Variants in COL4A3 observed in about 807,000 individuals in gnomAD.
COL4A3 encodes the protein collagen alpha-3(IV) chain.
In COL4A3, 135 loss-of-function variants were observed where a neutral mutation model predicts 217.4. The observed-to-expected ratio is 0.62, with a 90% CI of 0.54 to 0.72. COL4A3 has a LOEUF of 0.72. Ranked by LOEUF, COL4A3 falls within the 30% of genes least tolerant of loss-of-function variation. The pLI is 0.00. For synonymous variants in COL4A3, 690 were observed against 736.3 expected, an observed-to-expected ratio of 0.94 and a Z score of 1.02; for missense variants, 1,868 against 2,119.9, an observed-to-expected ratio of 0.88 and a Z score of 2.33.
intron 1 of COL4A3, among the ~76,000 whole-genome samples, chr2:227,187,202 C>T (rs2066064390): frequency 6.6e-6 from 1 of 152,174 alleles, no homozygotes; most frequent in Non-Finnish European, 1.5e-5. Context: ...TTTCCATCTT[C>T]TTCAGGAATC....
chr2:227,229,119 C>T (rs2068251740), intron 1 of COL4A3, among the ~76,000 whole-genome samples: 1 of 152,138 alleles, frequency 6.6e-6, no homozygotes, highest in Non-Finnish European at 1.5e-5. Flanking sequence ...ACCACTTTGC[C>T]TCATAAGAGA....
rs1202018331 is a variant in COL4A3, at chr2:227,310,867, G to A, written c.4847G>A (p.Cys1616Tyr). ...EEFRASPFLE[C>Y]HGRGTCNYYS... ...TTCCGAGCCAGCCCATTTCTAGAAT[G>A]TCATGGAAGAGGAACGTGCAACTAC... The change falls in exon 51 of 52, where the codon TGT becomes TAT. Residue 1616 changes from cysteine (C) to tyrosine (Y), a missense_variant. Cys to Tyr is a radical substitution (Grantham distance 194). Transcript: ENST00000396578. 1.9e-6 allele frequency: 3 copies of A among 1,614,054 alleles called. No individual in the cohort carries two copies. Among genetic ancestry groups the A allele is most frequent in the Non-Finnish European group, 2.5e-6 (3 of 1,180,032 alleles).
chr2:227,274,305 G>T (rs1159855157), intron 26 of COL4A3, among the ~76,000 whole-genome samples: 1 of 146,592 alleles, frequency 6.8e-6, no homozygotes, highest in Non-Finnish European at 1.5e-5. Context: ...GTAAGACCCA[G>T]TAAACCTCTA....
At chr2:227,270,620 C>A in intron 24 of COL4A3, 150 bp from the exon 25 acceptor site, 1 of 757,382 alleles carries the variant, frequency 1.3e-6, no homozygotes, top group Non-Finnish European at 2.2e-6. Context: ...GCAAAACAAA[C>A]AAAATGCTTG....
chr2:227,250,221 G>A lies in COL4A3; in HGVS notation c.547-919G>A, dbSNP rs1332328866. Among the ~76,000 whole-genome samples the A allele has an allele frequency of 6.6e-6, 1 of 152,142 alleles. No individual in the cohort carries two copies. Among genetic ancestry groups the A allele is most frequent in the Non-Finnish European group, 1.5e-5 (1 of 68,024 alleles). On this transcript the variant is annotated intron_variant, in intron 9 of 51. Transcript: ENST00000396578. This position sits in a 1 kb window ranked among gnomAD's most constrained non-coding sequence, Gnocchi z 4.1. ...CCAGCTACTTGGGAGGCTGAGGCAG[G>A]AGAATCACTTGAACCCGGGAGGCAG... is the stretch of plus-strand genomic sequence containing the variant.
intron 1 of COL4A3, among the ~76,000 whole-genome samples, chr2:227,174,018 A>C (rs6718714): frequency 0.056 from 8,493 of 152,276 alleles, 281 homozygotes; most frequent in Admixed American, 0.09. Flanking sequence ...CTGGTTATTT[A>C]CCATAAGAAA....
In COL4A3 at chr2:227,191,972, C is replaced by T. The variant is rs1204298635; in HGVS notation, c.87+27159C>T. Among the ~76,000 whole-genome samples, 1 of 152,124 alleles carries T rather than the reference C, an allele frequency of 6.6e-6. No individual in the cohort carries two copies. The highest frequency in any genetic ancestry group is 1.5e-5 in the Non-Finnish European group (1 of 68,022). On this transcript the variant is annotated intron_variant, in intron 1 of 51. Coordinates refer to ENST00000396578, the MANE Select transcript of COL4A3 (RefSeq NM_000091.5). This position sits in a 1 kb window ranked among gnomAD's most constrained non-coding sequence, Gnocchi z 6.8. The stretch of plus-strand genomic sequence containing the variant: ...AAATTATCGAAGGAAAGTCATATTT[C>T]CTTAAATTTCTCTGTGAATGTGTAC...
At position 227,290,087 on chromosome 2, in the gene COL4A3, A is replaced by G; in HGVS notation, c.3069A>G (p.Pro1023=). 6.2e-7 allele frequency: 1 copy of G among 1,614,004 alleles called. No individual in the cohort carries two copies. The highest frequency in any genetic ancestry group is 8.5e-7 in the Non-Finnish European group (1 of 1,179,836). The change falls in exon 36 of 52, where the codon CCA becomes CCG. Residue 1023 remains proline (P), a splice_region_variant and synonymous_variant. Transcript: ENST00000396578. ...IPGSMGNMGM[P]GSKGKRGTLG... ...GAAGCATGGGGAACATGGGCATGCC[A>G]GGTAATGCATAAGGTCCTGTTATGA...
intron 1 of COL4A3, among the ~76,000 whole-genome samples, chr2:227,220,755 T>C (rs11694522): frequency 0.7 from 106,524 of 152,038 alleles, 37,625 homozygotes; most frequent in Non-Finnish European, 0.75. Context: ...TGAGCCACCA[T>C]GCCTGGCCAT....
intron 24 of COL4A3, 38 bp from the exon 25 acceptor site, chr2:227,270,732 A>G: frequency 6.2e-7 from 1 of 1,601,304 alleles, no homozygotes; most frequent in Non-Finnish European, 8.6e-7. Flanking sequence ...AAGAATTCTA[A>G]CAAAATACAA....
intron 1 of COL4A3, among the ~76,000 whole-genome samples, chr2:227,176,883 G>T (rs1463731572): frequency 6.6e-6 from 1 of 152,144 alleles, no homozygotes; most frequent in Non-Finnish European, 1.5e-5. Context: ...ATAATTTTAT[G>T]CTGTTTGCTT....
At chr2:227,255,034 C>G (rs1329920360) in intron 15 of COL4A3, among the ~76,000 whole-genome samples, 1 of 152,158 alleles carries the variant, frequency 6.6e-6, no homozygotes, top group African/African-American at 2.4e-5. Context: ...AAGAGCTACC[C>G]TGCAGCAGAC....
chr2:227,221,117 A>G (rs2067762013), intron 1 of COL4A3: 1 of 152,262 alleles, frequency 6.6e-6, no homozygotes, highest in South Asian at 2.1e-4. Context: ...TACCTTGTCC[A>G]GCACAAAGGA....
At chr2:227,229,084 CTG>C (rs1040939225) in intron 1 of COL4A3, among the ~76,000 whole-genome samples, 1 of 152,170 alleles carries the variant, frequency 6.6e-6, no homozygotes, top group African/African-American at 2.4e-5. Flanking sequence ...AAGTACGTCT[CTG>C]GAACTGGTGC....
intron 1 of COL4A3, among the ~76,000 whole-genome samples, chr2:227,216,070 T>G (rs1407136975): frequency 6.6e-6 from 1 of 151,980 alleles, no homozygotes; most frequent in Non-Finnish European, 1.5e-5. Context: ...TGGCAGGGAC[T>G]GGAGGGAGGA....
chr2:227,251,894 T>C (rs187339898), intron 11 of COL4A3, among the ~76,000 whole-genome samples: 2,970 of 151,626 alleles, frequency 0.02, 88 homozygotes, highest in African/African-American at 0.068. Flanking sequence ...TGTGATGAAA[T>C]CCCATCTCTA....
intron 1 of COL4A3, among the ~76,000 whole-genome samples, chr2:227,171,810 G>A (rs2065484154): frequency 6.6e-6 from 1 of 152,188 alleles, no homozygotes; most frequent in South Asian, 2.1e-4. Context: ...TTTAGAGCAG[G>A]AATGAAAGGA....
At chr2:227,202,161 G>C (rs1405886784) in intron 1 of COL4A3, among the ~76,000 whole-genome samples, 2 of 152,140 alleles carry the variant, frequency 1.3e-5, no homozygotes, top group Non-Finnish European at 2.9e-5. Flanking sequence ...TGTTTTGAAT[G>C]TGTTGTAACA....
chr2:227,174,876 C>T (rs964548181), intron 1 of COL4A3, among the ~76,000 whole-genome samples: 1 of 152,148 alleles, frequency 6.6e-6, no homozygotes, highest in Admixed American at 6.6e-5. Context: ...AGGCGCTGGG[C>T]TAGGTGCTGG....
Sources: gnomAD v4.1 joint callset for allele counts (sites outside exome capture counted in the v4.1 genomes callset) on GRCh38, gnomAD v4.1.1 for gene constraint, Gnocchi (gnomAD v3.1) non-coding constraint, MANE v1.5 for transcripts, NCBI Gene and HGNC (gene_info 2026-07-23, HGNC 2026-07-21) for gene names.